CSMD2: variants seen among roughly 807,000 people sequenced by gnomAD.
CSMD2 encodes CUB and sushi domain-containing protein 2.
Under a neutral mutation model 398.5 loss-of-function variants are expected in CSMD2, and 130 were observed. That is an observed-to-expected ratio of 0.33 (90% CI 0.28 to 0.38). CSMD2 has a LOEUF of 0.38. Among genes scored for constraint, CSMD2 ranks in the 10% least tolerant of loss-of-function variants. CSMD2 has a pLI of 1.00. For missense variants in CSMD2, 3,829 were observed against 4,764.9 expected (o/e 0.80, Z 5.78); for synonymous variants, 1,828 against 1,908.5 (o/e 0.96, Z 1.10).
intron 1 of CSMD2, among the ~76,000 whole-genome samples, chr1:34,130,384 G>A (rs1241994904): frequency 1.8e-5 from 2 of 111,370 alleles, no homozygotes; most frequent in Non-Finnish European, 3.8e-5. Flanking sequence ...AGAAATGTCT[G>A]GAGGCAAAAA....
At chr1:33,822,295 T>C (rs1008281116) in intron 7 of CSMD2, among the ~76,000 whole-genome samples, 4 of 152,072 alleles carry the variant, frequency 2.6e-5, no homozygotes, top group African/African-American at 4.8e-5. Flanking sequence ...ATTTCCAGGA[T>C]TTCCAGGGCC....
intron 22 of CSMD2, among the ~76,000 whole-genome samples, chr1:33,707,689 GCGCGCGCACACACACACACACA>G (rs770112960): frequency 7.9e-5 from 10 of 126,336 alleles, no homozygotes; most frequent in South Asian, 5.3e-4. Flanking sequence ...GCACACGCGC[GCGCGCGCACACACACACACACA>G]CACACACACA....
At chr1:33,598,151 G>C (rs1402634674) in intron 44 of CSMD2, among the ~76,000 whole-genome samples, 2 of 152,226 alleles carry the variant, frequency 1.3e-5, no homozygotes, top group African/African-American at 4.8e-5. Flanking sequence ...GGAAGGAACA[G>C]AGCTTCAAAG....
At chr1:33,675,134 C>T (rs1644659156) in intron 25 of CSMD2, among the ~76,000 whole-genome samples, 1 of 152,086 alleles carries the variant, frequency 6.6e-6, no homozygotes, top group Non-Finnish European at 1.5e-5. Flanking sequence ...GAAATAGAGA[C>T]ACAAAAAACC....
chr1:33,547,697 T>C (rs6425826), intron 56 of CSMD2, among the ~76,000 whole-genome samples: 31,448 of 152,184 alleles, frequency 0.21, 3,415 homozygotes, highest in East Asian at 0.36. Context: ...AAAGAGAGCT[T>C]ATCGCATTTG....
At chr1:34,069,265 T>G (rs887452379) in intron 2 of CSMD2, among the ~76,000 whole-genome samples, 8 of 152,208 alleles carry the variant, frequency 5.3e-5, no homozygotes, top group African/African-American at 1.9e-4. Flanking sequence ...AGACCCCCCA[T>G]GTACAAAGCA....
chr1:33,652,280 C>A (rs1643799243), intron 28 of CSMD2, 43 bp downstream of exon 28: 1 of 1,601,514 alleles, frequency 6.2e-7, no homozygotes, highest in South Asian at 1.1e-5. Flanking sequence ...AGCCCCTAGC[C>A]ACTCTGAACC....
intron 3 of CSMD2, among the ~76,000 whole-genome samples, chr1:33,958,407 T>A (rs1164174504): frequency 6.6e-6 from 1 of 152,164 alleles, no homozygotes; most frequent in Non-Finnish European, 1.5e-5. Context: ...ATCCCCTCCC[T>A]TTGGGTGTGA....
At chr1:33,727,477 T>C (rs1387148968) in intron 15 of CSMD2, among the ~76,000 whole-genome samples, 1 of 152,242 alleles carries the variant, frequency 6.6e-6, no homozygotes, top group Non-Finnish European at 1.5e-5. Flanking sequence ...GAGCTATTCC[T>C]CTTTCAAGGG....
intron 52 of CSMD2, among the ~76,000 whole-genome samples, chr1:33,568,179 T>G (rs1570759382): frequency 7.7e-6 from 1 of 130,406 alleles, no homozygotes; most frequent in African/African-American, 2.8e-5. Flanking sequence ...AAACTCAAAC[T>G]CAGGAGCATC....
At chr1:33,547,191 T>C (rs749215999) in intron 56 of CSMD2, among the ~76,000 whole-genome samples, 2 of 152,176 alleles carry the variant, frequency 1.3e-5, no homozygotes, top group South Asian at 4.1e-4. Flanking sequence ...CTTCTGGTAT[T>C]GTGCAAACCC....
intron 9 of CSMD2, among the ~76,000 whole-genome samples, chr1:33,817,353 C>A (rs1657586002): frequency 1.3e-5 from 2 of 152,204 alleles, no homozygotes; most frequent in South Asian, 4.1e-4. Context: ...GGGCTGGTCA[C>A]TTTCTAGAAA....
At chr1:33,735,283 C>T (rs1235362473) in intron 15 of CSMD2, among the ~76,000 whole-genome samples, 2 of 152,138 alleles carry the variant, frequency 1.3e-5, no homozygotes, top group East Asian at 1.9e-4. Flanking sequence ...GGGACAATAA[C>T]GACATCTATT....
intron 44 of CSMD2, 182 bp downstream of exon 44, chr1:33,600,683 G>C (rs1640153642): frequency 1.6e-6 from 1 of 641,672 alleles, no homozygotes; most frequent in Non-Finnish European, 2.7e-6. Flanking sequence ...ACAGAACCCT[G>C]CACTGAGAGC....
intron 5 of CSMD2, among the ~76,000 whole-genome samples, chr1:33,866,078 T>C (rs1640011240): frequency 6.6e-6 from 1 of 152,216 alleles, no homozygotes; most frequent in Admixed American, 6.5e-5. Context: ...TAGAGGGACC[T>C]ACACTTTCTA....
At chr1:33,682,787 C>G (rs1644948541) in intron 25 of CSMD2, among the ~76,000 whole-genome samples, 1 of 152,194 alleles carries the variant, frequency 6.6e-6, no homozygotes, top group Non-Finnish European at 1.5e-5. Context: ...CTACCTCACC[C>G]AAGGTCTAGA....
At position 33,968,489 on chromosome 1, in the gene CSMD2, C is replaced by T. The variant is rs377631665; in HGVS notation, c.518-32535G>A. On this transcript the variant is annotated intron_variant, in intron 3 of 70. Coordinates refer to ENST00000373381, the MANE Select transcript of CSMD2 (RefSeq NM_001281956.2). ...TATGCTACATTGTGTAAGACTCTGTCTTAGCAGATTAGAGATAAGATCTGC... is the reference window on the plus strand; with the variant it reads ...TATGCTACATTGTGTAAGACTCTGTTTTAGCAGATTAGAGATAAGATCTGC... 5.3e-5 allele frequency among the ~76,000 whole-genome samples: 8 copies of T among 152,308 alleles called. No individual in the cohort carries two copies. In the East Asian group the frequency reaches 9.7e-4, roughly 18 times the overall value.
At chr1:33,963,956 G>A (rs535936876) in intron 3 of CSMD2, among the ~76,000 whole-genome samples, 22 of 152,354 alleles carry the variant, frequency 1.4e-4, no homozygotes, top group Admixed American at 2.6e-4. Flanking sequence ...GATGGCAGAT[G>A]TGTCTTTAAC....
chr1:34,152,369 C>T (rs1640404443), intron 1 of CSMD2, among the ~76,000 whole-genome samples: 1 of 152,190 alleles, frequency 6.6e-6, no homozygotes, highest in African/African-American at 2.4e-5. Flanking sequence ...TCCAGGCACC[C>T]TCACCAAGGC....
Sources: allele counts gnomAD v4.1 joint callset (sites outside exome capture counted in the v4.1 genomes callset), GRCh38; gene constraint gnomAD v4.1.1; transcripts MANE v1.5; gene names NCBI Gene and HGNC (gene_info 2026-07-23, HGNC 2026-07-21).